Variants in CYRIB observed in about 807,000 individuals in gnomAD.
CYRIB encodes the protein CYFIP-related Rac1 interactor B.
In CYRIB, 8 loss-of-function variants were observed where a neutral mutation model predicts 44.2. The ratio of observed to expected loss-of-function variants is 0.18; its 90% CI spans 0.11 to 0.33. The LOEUF (loss-of-function observed/expected upper bound fraction) is 0.33, where lower values mean the gene tolerates loss of function less well. Among genes scored for constraint, CYRIB ranks in the 10% least tolerant of loss-of-function variants. CYRIB has a pLI of 1.00. For synonymous variants in CYRIB, 131 were observed against 127.2 expected (o/e 1.03, Z -0.20); for missense variants, 185 against 382.8 (o/e 0.48, Z 4.31).
chr8:129,887,534 T>C (rs2134438886), intron 2 of CYRIB, among the ~76,000 whole-genome samples: 1 of 152,292 alleles, frequency 6.6e-6, no homozygotes, highest in African/African-American at 2.4e-5. Flanking sequence ...GGGGCCACCA[T>C]GCTCCAGACC....
intron 1 of CYRIB, among the ~76,000 whole-genome samples, chr8:129,934,466 A>T (rs1004819552): frequency 3.9e-4 from 59 of 152,182 alleles, no homozygotes; most frequent in African/African-American, 1.4e-3. Flanking sequence ...AATATATATT[A>T]TGATACATTA....
chr8:129,900,254 C>T (rs2070837616), intron 2 of CYRIB, among the ~76,000 whole-genome samples: 1 of 152,082 alleles, frequency 6.6e-6, no homozygotes, highest in South Asian at 2.1e-4. Flanking sequence ...TTTTGAGAAC[C>T]TCTTTAAAAC....
At chr8:129,962,948 C>G (rs1283914187) in intron 2 of CYRIB, among the ~76,000 whole-genome samples, 2 of 152,212 alleles carry the variant, frequency 1.3e-5, no homozygotes, top group Non-Finnish European at 2.9e-5. Context: ...ACCCAATCTC[C>G]CTCAGGGGGA....
intron 1 of CYRIB, among the ~76,000 whole-genome samples, chr8:130,000,890 A>G (rs1293340016): frequency 6.6e-6 from 1 of 152,080 alleles, no homozygotes. Context: ...AAAATCTAAT[A>G]ATAAAAAATT....
intron 1 of CYRIB, among the ~76,000 whole-genome samples, chr8:130,014,238 C>T (rs2097290888): frequency 6.6e-6 from 1 of 152,096 alleles, no homozygotes; most frequent in Admixed American, 6.5e-5. Context: ...CCCAGGAGTT[C>T]GGGCAACATG....
At chr8:129,856,407 G>GAAATACTAAATACTAATACTAATATT in intron 5 of CYRIB, among the ~76,000 whole-genome samples, 1 of 152,132 alleles carries the variant, frequency 6.6e-6, no homozygotes, top group East Asian at 1.9e-4. Flanking sequence ...TTTGATAATG[G>GAAATACTAAATACTAATACTAATATT]AAATACTAAA....
At chr8:129,861,993 T>C (rs2049970180) in intron 5 of CYRIB, among the ~76,000 whole-genome samples, 1 of 152,180 alleles carries the variant, frequency 6.6e-6, no homozygotes, top group African/African-American at 2.4e-5. Context: ...GATTCATGTA[T>C]GTAAAACGAC....
intron 1 of CYRIB, among the ~76,000 whole-genome samples, chr8:129,936,229 G>A (rs1039957319): frequency 2.0e-5 from 3 of 152,204 alleles, no homozygotes; most frequent in African/African-American, 7.2e-5. Flanking sequence ...AGTCTTCAAC[G>A]TCTCCCACTT....
At chr8:129,862,705 C>T (rs1427513580) in intron 4 of CYRIB, among the ~76,000 whole-genome samples, 1 of 152,146 alleles carries the variant, frequency 6.6e-6, no homozygotes, top group African/African-American at 2.4e-5. Context: ...CTCCTGACCT[C>T]AGGTGATCCA....
intron 2 of CYRIB, chr8:129,890,367 T>C (rs1431007472): frequency 6.6e-6 from 1 of 152,158 alleles, no homozygotes; most frequent in African/African-American, 2.4e-5. Context: ...GCCATTAACA[T>C]CCAGGCAAGA....
Position 129,991,971 on chromosome 8 carries a change from A to AAAAAAAGAGAGAG in CYRIB, c.-295-20977_-295-20976insCTCTCTCTTTTTT, listed in dbSNP as rs994697259. Among the ~76,000 whole-genome samples the AAAAAAAGAGAGAG allele has an allele frequency of 1.3e-3, 176 of 134,690 alleles. 3 individuals carry two copies. Among genetic ancestry groups the AAAAAAAGAGAGAG allele is most frequent in the Non-Finnish European group, 2.4e-3 (150 of 61,338 alleles). 88.4% of individuals were successfully genotyped at this position (134,690 alleles called of 152,430 possible). A position where few individuals can be genotyped will look rare whatever the true frequency, so the allele number is the denominator to read the frequency against. ...AAAAAAAAAAAAAAAAAAAAAAAAA[A>AAAAAAAGAGAGAG]ACAATAGGAAGCTATTAAGGGTTTT... is the stretch of plus-strand genomic sequence containing the variant. On this transcript the variant is annotated intron_variant, in intron 1 of 14. Transcript: ENST00000401979.
At chr8:129,879,133 G>A (rs1035221574) in intron 3 of CYRIB, among the ~76,000 whole-genome samples, 6 of 152,058 alleles carry the variant, frequency 3.9e-5, no homozygotes, top group Admixed American at 6.6e-5. Flanking sequence ...TTAGAGAATA[G>A]ATCGTAAATT....
intron 1 of CYRIB, among the ~76,000 whole-genome samples, chr8:129,997,025 A>C (rs1011473159): frequency 3.6e-5 from 5 of 139,256 alleles, no homozygotes; most frequent in African/African-American, 1.3e-4. Flanking sequence ...ATGAAAACCC[A>C]GTATGCCTTT....
chr8:129,934,555 T>C (rs1386828405), intron 1 of CYRIB, among the ~76,000 whole-genome samples: 1 of 152,160 alleles, frequency 6.6e-6, no homozygotes, highest in Non-Finnish European at 1.5e-5. Context: ...TTAAATTAAA[T>C]ATTAAAAGCC....
At chr8:129,997,088 AGGAGGGAG>A (rs1296568514) in intron 1 of CYRIB, among the ~76,000 whole-genome samples, 35 of 83,070 alleles carry the variant, frequency 4.2e-4, no homozygotes, top group African/African-American at 2.4e-3. Context: ...GAGGGAGGGA[AGGAGGGAG>A]GGAAGGAAGG....
chr8:129,961,643 C>T (rs1385761773), intron 2 of CYRIB, among the ~76,000 whole-genome samples: 1 of 152,206 alleles, frequency 6.6e-6, no homozygotes, highest in African/African-American at 2.4e-5. Context: ...TTCACTAGTC[C>T]ATCTCTGGTA....
chr8:129,998,764 T>G (rs2096839625), intron 1 of CYRIB, among the ~76,000 whole-genome samples: 1 of 152,118 alleles, frequency 6.6e-6, no homozygotes, highest in African/African-American at 2.4e-5. Flanking sequence ...CCCAAGTAGC[T>G]GGGATTACAG....
chr8:129,938,980 G>A (rs967672017), intron 1 of CYRIB, among the ~76,000 whole-genome samples: 5 of 152,150 alleles, frequency 3.3e-5, no homozygotes, highest in African/African-American at 9.7e-5. Context: ...CCCTAAGACT[G>A]AGAATCTGGA....
upstream of CYRIB, among the ~76,000 whole-genome samples, chr8:129,941,990 C>T (rs925393398): frequency 5.9e-5 from 9 of 152,154 alleles, no homozygotes; most frequent in Non-Finnish European, 1.3e-4. Flanking sequence ...ATAGACATGA[C>T]GCTGGCCTAG....
Sources: allele counts gnomAD v4.1 joint callset (sites outside exome capture counted in the v4.1 genomes callset), GRCh38; gene constraint gnomAD v4.1.1; transcripts MANE v1.5; gene names NCBI Gene and HGNC (gene_info 2026-07-23, HGNC 2026-07-21).